Variants in IL1RAPL1 observed in about 807,000 individuals in gnomAD.
IL1RAPL1 encodes interleukin-1 receptor accessory protein-like 1.
IL1RAPL1 carries 3 observed loss-of-function variants against 48.4 expected under a neutral mutation model. The observed-to-expected ratio is 0.06, with a 90% CI of 0.03 to 0.16. IL1RAPL1 has a LOEUF of 0.16. IL1RAPL1 is among the 10% of genes least tolerant of loss of function. IL1RAPL1 has a pLI of 1.00. For synonymous variants in IL1RAPL1, 185 were observed against 187.7 expected (o/e 0.99, Z 0.12); for missense variants, 349 against 530.6 (o/e 0.66, Z 3.36).
At chrX:29,545,178 CCTAT>C (rs74314245) in intron 5 of IL1RAPL1, among the ~76,000 whole-genome samples, 19,834 of 91,654 alleles carry the variant, frequency 0.22, 2,057 homozygotes, top group East Asian at 0.27. Context: ...GAAAACTAAT[CCTAT>C]CTATCTATCT....
chrX:29,901,526 T>G (rs1932495839), intron 6 of IL1RAPL1, among the ~76,000 whole-genome samples: 1 of 112,024 alleles, frequency 8.9e-6, no homozygotes, highest in Non-Finnish European at 1.9e-5. Flanking sequence ...CCACTAATAT[T>G]CTTTACTTTC....
chrX:29,342,112 T>TTGTGTGTG (rs753779178), intron 3 of IL1RAPL1, among the ~76,000 whole-genome samples: 133 of 87,676 alleles, frequency 1.5e-3, no homozygotes, highest in Admixed American at 2.3e-3. Flanking sequence ...CGGCCTTGTT[T>TTGTGTGTG]TGTGTGTGTG....
At chrX:29,627,918 A>T (rs904537655) in intron 5 of IL1RAPL1, among the ~76,000 whole-genome samples, 1 of 112,282 alleles carries the variant, frequency 8.9e-6, no homozygotes, top group Non-Finnish European at 1.9e-5. Context: ...CAAGCATAGA[A>T]GAGAGAAAAA....
At chrX:29,034,497 A>G (rs1376689862) in intron 2 of IL1RAPL1, among the ~76,000 whole-genome samples, 2 of 112,439 alleles carry the variant, frequency 1.8e-5, no homozygotes, top group Non-Finnish European at 3.7e-5. Flanking sequence ...CATTTGATAA[A>G]GAATGGATTC....
At chrX:29,022,661 A>C (rs996994262) in intron 2 of IL1RAPL1, among the ~76,000 whole-genome samples, 6 of 111,787 alleles carry the variant, frequency 5.4e-5, no homozygotes, top group East Asian at 5.6e-4. Context: ...AAATTCATTA[A>C]AAAATAAAAT....
intron 2 of IL1RAPL1, among the ~76,000 whole-genome samples, chrX:29,154,121 G>A (rs947458724): frequency 2.9e-4 from 33 of 112,003 alleles, no homozygotes; most frequent in African/African-American, 1.0e-3. Context: ...AGCCTTACAA[G>A]CATGTGTTTC....
At position 29,319,621 on chromosome X, in the gene IL1RAPL1, GTC is replaced by G. The variant is rs201555831; in HGVS notation, c.362+36409_362+36410del. 2.9e-3 allele frequency among the ~76,000 whole-genome samples: 311 copies of G among 106,789 alleles called. 7 individuals carry two copies. The East Asian group carries it at 0.039, about 13-fold the overall frequency. 92.7% of individuals were successfully genotyped at this position (106,789 alleles called of 115,157 possible). A position where few individuals can be genotyped will look rare whatever the true frequency, so the allele number is the denominator to read the frequency against. ...ATTTAAATATAGTTTTCGAAATGTTGTCTCTCATTTTTTTTTTCCGTACATGG... is the reference window on the plus strand; with the variant it reads ...ATTTAAATATAGTTTTCGAAATGTTGTCTCATTTTTTTTTTCCGTACATGG... On this transcript the variant is annotated intron_variant, in intron 3 of 10. Coordinates refer to ENST00000378993, the MANE Select transcript of IL1RAPL1 (RefSeq NM_014271.4).
At chrX:29,512,783 A>C (rs1017961554) in intron 5 of IL1RAPL1, among the ~76,000 whole-genome samples, 1 of 111,892 alleles carries the variant, frequency 8.9e-6, no homozygotes, top group African/African-American at 3.2e-5. Flanking sequence ...GATCAGGAAA[A>C]TAACCACACT....
chrX:29,769,647 T>A (rs1356596458), intron 6 of IL1RAPL1, among the ~76,000 whole-genome samples: 1 of 86,450 alleles, frequency 1.2e-5, no homozygotes, highest in African/African-American at 4.5e-5. Context: ...GATGGAGCCT[T>A]GCTCTGTCAT....
intron 1 of IL1RAPL1, among the ~76,000 whole-genome samples, chrX:28,766,117 AG>A (rs1159475097): frequency 9.0e-6 from 1 of 111,641 alleles, no homozygotes; most frequent in Non-Finnish European, 1.9e-5. Context: ...TGATGGGGTA[AG>A]AAAAAAATGA....
rs185505711 is a variant in IL1RAPL1, at chrX:28,612,865, T to C, written c.-25+24818T>C. Among the ~76,000 whole-genome samples, 517 of 112,139 alleles carry C rather than the reference T, an allele frequency of 4.6e-3. 6 individuals are homozygous for C. Among genetic ancestry groups the C allele is most frequent in the African/African-American group, 0.016 (496 of 30,869 alleles). On this transcript the variant is annotated intron_variant, in intron 1 of 10. Transcript: ENST00000378993. ...GGCTCTAATGGCTAGTATGGAAACT[T>C]TTCTCTTCAGTGGGGAGAAATTGAA... is the stretch of plus-strand genomic sequence containing the variant.
chrX:28,918,695 T>G (rs1923546751), intron 2 of IL1RAPL1, among the ~76,000 whole-genome samples: 1 of 111,718 alleles, frequency 9.0e-6, no homozygotes, highest in South Asian at 3.7e-4. Context: ...AAGTGAGACT[T>G]GATGCTAAAT....
At chrX:28,638,659 G>A (rs1934495505) in intron 1 of IL1RAPL1, among the ~76,000 whole-genome samples, 1 of 108,849 alleles carries the variant, frequency 9.2e-6, no homozygotes, top group Non-Finnish European at 1.9e-5. Flanking sequence ...ACATTCTTGT[G>A]AAGGAGAGAT....
At chrX:28,965,669 CCAG>C (rs773810337) in intron 2 of IL1RAPL1, among the ~76,000 whole-genome samples, 1 of 111,148 alleles carries the variant, frequency 9.0e-6, no homozygotes, top group South Asian at 3.8e-4. Context: ...TCAAATGGGC[CCAG>C]GTTGCAATAT....
intron 6 of IL1RAPL1, among the ~76,000 whole-genome samples, chrX:29,753,560 T>A (rs1928540485): frequency 8.9e-6 from 1 of 112,261 alleles, no homozygotes; most frequent in South Asian, 3.7e-4. Flanking sequence ...TTATTTGTTA[T>A]CTAATATCAC....
chrX:29,544,296 A>G lies in IL1RAPL1; in HGVS notation c.704-124134A>G, dbSNP rs1921536644. On this transcript the variant is annotated intron_variant, in intron 5 of 10. Transcript: ENST00000378993. ...AAATAATACTGAATTTGCAGTATAT[A>G]TGTCCCCACTCATTGCATATCGACT... is the stretch of plus-strand genomic sequence containing the variant. 2.7e-5 allele frequency among the ~76,000 whole-genome samples: 3 copies of G among 112,349 alleles called. No homozygotes were observed. The South Asian group carries it at 1.1e-3, about 41-fold the overall frequency.
At chrX:29,393,709 T>A (rs1472269145) in intron 3 of IL1RAPL1, among the ~76,000 whole-genome samples, 1 of 92,196 alleles carries the variant, frequency 1.1e-5, no homozygotes, top group Non-Finnish European at 2.3e-5. Flanking sequence ...AAAAGGCCTT[T>A]CTGTTTTTGT....
At chrX:29,682,631 T>C (rs1252511588) in intron 6 of IL1RAPL1, among the ~76,000 whole-genome samples, 1 of 112,428 alleles carries the variant, frequency 8.9e-6, no homozygotes, top group Non-Finnish European at 1.9e-5. Flanking sequence ...TCTTAGAGCA[T>C]GTACTATAAT....
At chrX:29,680,322 C>T (rs1926412094) in intron 6 of IL1RAPL1, among the ~76,000 whole-genome samples, 2 of 111,516 alleles carry the variant, frequency 1.8e-5, no homozygotes, top group Non-Finnish European at 1.9e-5. Flanking sequence ...TGAAGGAATA[C>T]GTTGCTCAGT....
Sources: gnomAD v4.1 joint callset for allele counts (sites outside exome capture counted in the v4.1 genomes callset) on GRCh38, gnomAD v4.1.1 for gene constraint, MANE v1.5 for transcripts, NCBI Gene and HGNC (gene_info 2026-07-23, HGNC 2026-07-21) for gene names.